The following LTBP2 variants were observed in gnomAD, a reference collection of about 807,000 sequenced individuals.
LTBP2 encodes latent transforming growth factor beta binding protein 2.
In LTBP2, 103 loss-of-function variants were observed where a neutral mutation model predicts 210.6. The observed-to-expected ratio is 0.49, with a 90% CI of 0.42 to 0.58. The LOEUF is 0.58. Ranked by LOEUF, LTBP2 falls within the 20% of genes least tolerant of loss-of-function variation. The pLI is 0.00. For synonymous variants in LTBP2, 1,007 were observed against 1,015.0 expected (o/e 0.99, Z 0.15); for missense variants, 2,313 against 2,494.5 (o/e 0.93, Z 1.55).
chr14:74,521,828 T>A, intron 17 of LTBP2, 83 bp downstream of exon 17: 1 of 1,570,886 alleles, frequency 6.4e-7, no homozygotes, highest in Non-Finnish European at 8.7e-7. Context: ...CGGCACGGTG[T>A]TTGGGGGTGT....
chr14:74,500,085 G>C lies in LTBP2; in HGVS notation c.*799C>G, dbSNP rs2086892969. The C allele has an allele frequency of 8.6e-6, 2 of 233,010 alleles. No individual in the cohort carries two copies. Among genetic ancestry groups the C allele is most frequent in the Non-Finnish European group, 1.7e-5 (2 of 118,082 alleles). The allele number at this position is 233,010 out of a possible 1,614,324, so 14.4% of individuals were successfully genotyped here. ...GCTGTATCCCATGGCAGCCCTTGCT[G>C]CTGGTGCCCACAGGCTATCACTGGG... On this transcript the variant is annotated 3_prime_UTR_variant, in exon 36 of 36. Coordinates refer to ENST00000261978, the MANE Select transcript of LTBP2 (RefSeq NM_000428.3).
chr14:74,564,111 TTATATATATATATTTA>T (rs2087842285), intron 3 of LTBP2, among the ~76,000 whole-genome samples: 1 of 6,646 alleles, frequency 1.5e-4, no homozygotes, highest in African/African-American at 5.3e-4. Context: ...ATATATATAT[TTATATATATATATTTA>T]TATATATATT....
chr14:74,556,652 G>C (rs1291548965), intron 3 of LTBP2, among the ~76,000 whole-genome samples: 1 of 152,206 alleles, frequency 6.6e-6, no homozygotes, highest in Non-Finnish European at 1.5e-5. Flanking sequence ...CAGTAGCTAG[G>C]ATTACAGGAG....
rs61980865 is a variant in LTBP2, at chr14:74,506,874, T to C, written c.3908-51A>G. ...GAGGATGTGTGTGTGTGTGTGTGTGTGTGTGCGCGCGCGCGTGTGTGCTCA... is the reference window on the plus strand; with the variant it reads ...GAGGATGTGTGTGTGTGTGTGTGTGCGTGTGCGCGCGCGCGTGTGTGCTCA... On this transcript the variant is annotated intron_variant, in intron 26 of 35. Transcript: ENST00000261978. 35,239 of 1,194,692 alleles carry C rather than the reference T, an allele frequency of 0.029. 409 individuals carry two copies. The highest frequency in any genetic ancestry group is 0.069 in the African/African-American group (3,315 of 47,948). 74.0% of individuals were successfully genotyped at this position (1,194,692 alleles called of 1,614,324 possible). A position where few individuals can be genotyped will look rare whatever the true frequency, so the allele number is the denominator to read the frequency against.
intron 3 of LTBP2, among the ~76,000 whole-genome samples, chr14:74,560,332 G>T (rs957590100): frequency 2.0e-5 from 3 of 152,072 alleles, no homozygotes; most frequent in Non-Finnish European, 4.4e-5. Flanking sequence ...CCCATCACAG[G>T]CCAGCACAGA....
At chr14:74,594,587 T>A (rs2088331032) in intron 2 of LTBP2, among the ~76,000 whole-genome samples, 1 of 152,142 alleles carries the variant, frequency 6.6e-6, no homozygotes, top group Admixed American at 6.5e-5. Context: ...AGTTTGCACC[T>A]CATCCACAGT....
chr14:74,533,392 G>A (rs1301175747), intron 9 of LTBP2, among the ~76,000 whole-genome samples: 1 of 152,150 alleles, frequency 6.6e-6, no homozygotes, highest in Non-Finnish European at 1.5e-5. Flanking sequence ...AAACAGATCA[G>A]GGGGACTGTG....
At chr14:74,596,650 G>GCCC (rs1566654237) in intron 2 of LTBP2, among the ~76,000 whole-genome samples, 2 of 152,234 alleles carry the variant, frequency 1.3e-5, no homozygotes, top group Non-Finnish European at 1.5e-5. Context: ...CTGGCCCAGA[G>GCCC]AGGCAGCAGG....
intron 3 of LTBP2, among the ~76,000 whole-genome samples, chr14:74,556,279 G>T (rs1384668650): frequency 1.3e-5 from 2 of 152,228 alleles, no homozygotes; most frequent in East Asian, 1.9e-4. Context: ...TCCTAACACA[G>T]CAACTACTTT....
chr14:74,503,685 C>T (rs1363700907), intron 31 of LTBP2, 79 bp from the exon 32 acceptor site: 1 of 1,580,092 alleles, frequency 6.3e-7, no homozygotes, highest in Non-Finnish European at 8.6e-7. Flanking sequence ...GTTTGCCTAT[C>T]ACTGATAATG....
rs553245436 is a variant in LTBP2, at chr14:74,552,293, G to T, written c.1293C>A (p.Ile431=). 6.2e-7 allele frequency: 1 copy of T among 1,613,350 alleles called. No individual in the cohort carries two copies. Among genetic ancestry groups the T allele is most frequent in the South Asian group, 1.1e-5 (1 of 91,086 alleles). ...NSTGKFCHLP[I]PQPDREPPGR... ...CTGGAGGCTCCCTGTCCGGCTGCGGGATAGGCAGGTGGCAGAACTTCCCGG... is the reference window on the plus strand; with the variant it reads ...CTGGAGGCTCCCTGTCCGGCTGCGGTATAGGCAGGTGGCAGAACTTCCCGG... The change falls in exon 6 of 36, where the codon ATC becomes ATA. Residue 431 remains isoleucine (I), a synonymous_variant. Transcript: ENST00000261978.
At chr14:74,501,112 G>A in intron 35 of LTBP2, 83 bp from the exon 36 acceptor site, 1 of 1,480,410 alleles carries the variant, frequency 6.8e-7, no homozygotes, top group Non-Finnish European at 9.3e-7. Context: ...GTAAGCCCTG[G>A]CCACTGCCCT....
rs1471521653 is a variant in LTBP2 at position 74,552,209 on chromosome 14, T to C, written c.1377A>G (p.Thr459=). Residue 459 remains threonine (T), a synonymous_variant, in exon 6 of 36, where the codon ACA becomes ACG. Coordinates refer to ENST00000261978, the MANE Select transcript of LTBP2 (RefSeq NM_000428.3). ...LEAPLKQSTF[T]LPLSNQLASV... ...CACCCAGCTGGTTGGAGAGCGGCAGTGTGAAAGTGGACTGCTTCAGTGGGG... is the reference window on the plus strand; with the variant it reads ...CACCCAGCTGGTTGGAGAGCGGCAGCGTGAAAGTGGACTGCTTCAGTGGGG... 10 of 1,552,026 alleles carry C rather than the reference T, an allele frequency of 6.4e-6. No individual in the cohort carries two copies. Among genetic ancestry groups the C allele is most frequent in the Non-Finnish European group, 8.7e-6 (10 of 1,145,090 alleles).
chr14:74,569,712 C>T (rs951906089), intron 3 of LTBP2, among the ~76,000 whole-genome samples: 1 of 152,168 alleles, frequency 6.6e-6, no homozygotes, highest in African/African-American at 2.4e-5. Flanking sequence ...AATTGCTATA[C>T]TTACTAAACA....
At chr14:74,506,876 T>TGTGTGCGCGC (rs1566614364) in intron 26 of LTBP2, 53 bp from the exon 27 acceptor site, 1 of 1,302,248 alleles carries the variant, frequency 7.7e-7, no homozygotes, top group Admixed American at 2.0e-5. Flanking sequence ...TGTGTGTGTG[T>TGTGTGCGCGC]GTGCGCGCGC....
chr14:74,604,269 T>G (rs1344839461), intron 1 of LTBP2, among the ~76,000 whole-genome samples: 2 of 150,550 alleles, frequency 1.3e-5, no homozygotes, highest in Non-Finnish European at 2.9e-5. Flanking sequence ...TAAAACAGTC[T>G]CAAGGTCATA....
At chr14:74,577,750 G>A (rs1050231373) in intron 3 of LTBP2, among the ~76,000 whole-genome samples, 8 of 148,742 alleles carry the variant, frequency 5.4e-5, no homozygotes, top group Non-Finnish European at 7.4e-5. Context: ...CCAGTGATCC[G>A]CCTGTCTCAG....
Position 74,506,083 on chromosome 14 carries a change from G to A in LTBP2, c.4142C>T (p.Ala1381Val). ...LCASDLEEYD[A>V]QEGHCRPRGA... ...CCGTGGGCGGCAGTGCCCCTCCTGGGCATCGTACTCCTCCAGGTCACTGGC... is the reference window on the plus strand; with the variant it reads ...CCGTGGGCGGCAGTGCCCCTCCTGGACATCGTACTCCTCCAGGTCACTGGC... Residue 1381 changes from alanine to valine, a missense_variant, in exon 28 of 36, where the codon GCC becomes GTC. Physicochemically the swap from Ala to Val is moderately conservative, Grantham distance 64. Coordinates refer to ENST00000261978, the MANE Select transcript of LTBP2 (RefSeq NM_000428.3). 1.2e-6 allele frequency: 2 copies of A among 1,614,202 alleles called. No individual in the cohort carries two copies. Among genetic ancestry groups the A allele is most frequent in the Non-Finnish European group, 1.7e-6 (2 of 1,180,042 alleles).
At chr14:74,525,558 G>A (rs1190690395) in intron 14 of LTBP2, among the ~76,000 whole-genome samples, 2 of 152,216 alleles carry the variant, frequency 1.3e-5, no homozygotes, top group African/African-American at 4.8e-5. Context: ...TTTCACTTCT[G>A]CTTACAAAGC....
Sources: allele counts gnomAD v4.1 joint callset (sites outside exome capture counted in the v4.1 genomes callset), GRCh38; gene constraint gnomAD v4.1.1; transcripts MANE v1.5; gene names NCBI Gene and HGNC (gene_info 2026-07-23, HGNC 2026-07-21).